EXPH5: variants seen among roughly 807,000 people sequenced by gnomAD.
EXPH5 encodes the protein exophilin 5, also known as exophilin-5.
EXPH5 carries 42 observed loss-of-function variants against 41.1 expected under a neutral mutation model. The observed-to-expected ratio is 1.02, with a 90% CI of 0.80 to 1.32. The LOEUF is 1.32. EXPH5 is among the 40% of genes most tolerant of loss of function. The pLI is 0.00. For missense variants in EXPH5, 2,298 were observed against 2,314.5 expected (o/e 0.99, Z 0.15); for synonymous variants, 798 against 833.5 (o/e 0.96, Z 0.73).
intron 5 of EXPH5, 114 bp downstream of exon 5, chr11:108,518,121 G>C (rs113839941): frequency 3.3e-6 from 3 of 920,002 alleles, no homozygotes; most frequent in Non-Finnish European, 5.0e-6. Context: ...ACATGAGGAT[G>C]TAAAAAATAA....
At chr11:108,576,407 A>C (rs187196278) in intron 1 of EXPH5, among the ~76,000 whole-genome samples, 1 of 152,310 alleles carries the variant, frequency 6.6e-6, no homozygotes, top group East Asian at 1.9e-4. Context: ...GTGGGAATGA[A>C]GAGTAACTGT....
At chr11:108,557,532 G>A (rs1485435076) in intron 1 of EXPH5, among the ~76,000 whole-genome samples, 2 of 152,138 alleles carry the variant, frequency 1.3e-5, no homozygotes, top group Non-Finnish European at 2.9e-5. Context: ...AATTTTAGTG[G>A]ATACGGGGTT....
intron 4 of EXPH5, among the ~76,000 whole-genome samples, chr11:108,519,942 C>T (rs143489188): frequency 0.012 from 1,107 of 89,976 alleles, 10 homozygotes; most frequent in Middle Eastern, 0.03. Context: ...CAGAGGGAGA[C>T]TCTGTCTCAA....
At chr11:108,577,889 AT>A (rs1430658502) in intron 1 of EXPH5, among the ~76,000 whole-genome samples, 1 of 150,554 alleles carries the variant, frequency 6.6e-6, no homozygotes, top group Admixed American at 6.6e-5. Context: ...TTAAAATTTG[AT>A]TTTTTTTTGC....
At chr11:108,573,470 A>G (rs1384519108) in intron 1 of EXPH5, among the ~76,000 whole-genome samples, 1 of 152,238 alleles carries the variant, frequency 6.6e-6, no homozygotes, top group Admixed American at 6.5e-5. Flanking sequence ...TATAACAACA[A>G]TCACACTTCT....
chr11:108,580,393 G>GA (rs1051742163), intron 1 of EXPH5, among the ~76,000 whole-genome samples: 158 of 148,584 alleles, frequency 1.1e-3, no homozygotes, highest in African/African-American at 1.9e-3. Context: ...TATCAAAAAG[G>GA]AAAAAAAAAA....
At chr11:108,548,193 AT>A (rs2093947603) in intron 1 of EXPH5, among the ~76,000 whole-genome samples, 1 of 147,812 alleles carries the variant, frequency 6.8e-6, no homozygotes, top group Admixed American at 6.8e-5. Flanking sequence ...AAACCAGCTC[AT>A]TTTTCTTATG....
chr11:108,549,870 C>T (rs555589553), intron 1 of EXPH5, among the ~76,000 whole-genome samples: 8 of 152,326 alleles, frequency 5.3e-5, no homozygotes, highest in African/African-American at 1.7e-4. Context: ...GAGGTACACT[C>T]CTTGGCAATG....
Position 108,514,070 on chromosome 11 carries a change from A to G in EXPH5, c.1437T>C (p.Pro479=). The change falls in exon 6 of 6, where the codon CCT becomes CCC. Residue 479 remains proline (P), a synonymous_variant. Transcript: ENST00000265843. ...SGEQRRFGQG[P]FWGQEKGHSF... is the part of the protein sequence containing the mutation. ...AATGTCCTTTCTCTTGGCCCCAAAA[A>G]GGACCTTGTCCAAATCTCCTCTGTT... The G allele has an allele frequency of 6.2e-7, 1 of 1,614,124 alleles. No homozygotes were observed. Among genetic ancestry groups the G allele is most frequent in the South Asian group, 1.1e-5 (1 of 91,048 alleles).
Position 108,510,999 on chromosome 11 carries a change from G to A in EXPH5, c.4508C>T (p.Ser1503Leu). The A allele has an allele frequency of 6.2e-7, 1 of 1,614,164 alleles. No homozygotes were observed. The change falls in exon 6 of 6, where the codon TCA becomes TTA. Residue 1503 changes from serine (S) to leucine (L), a missense_variant. Ser to Leu is a moderately radical substitution (Grantham distance 145, BLOSUM62 -2). Transcript: ENST00000265843. ...AGTAAGGGCAAAGACTTGACTCTCTGAGTGAGAAAGTGTTTTATTAGTCAT... is the reference window on the plus strand; with the variant it reads ...AGTAAGGGCAAAGACTTGACTCTCTAAGTGAGAAAGTGTTTTATTAGTCAT... ...QKMTNKTLSH[S>L]ESQVFALTPA...
At chr11:108,541,453 A>AT (rs1256443290) in intron 2 of EXPH5, among the ~76,000 whole-genome samples, 199 bp downstream of exon 2, 2 of 152,200 alleles carry the variant, frequency 1.3e-5, no homozygotes, top group Non-Finnish European at 2.9e-5. Context: ...AACAAAAAAA[A>AT]ATCCAAGACA....
intron 1 of EXPH5, 148 bp from the exon 2 acceptor site, chr11:108,541,960 C>T (rs1591716358): frequency 1.7e-6 from 1 of 599,322 alleles, no homozygotes; most frequent in South Asian, 2.4e-5. Context: ...TCACTGCAAC[C>T]TTCACCTCCT....
chr11:108,551,961 A>C (rs2093967438), intron 1 of EXPH5: 1 of 152,144 alleles, frequency 6.6e-6, no homozygotes, highest in Admixed American at 6.6e-5. Context: ...ATAATGGAAG[A>C]CGGATCAGGA....
At position 108,515,771 on chromosome 11, in the gene EXPH5, G is replaced by A. The variant is rs1018202854; in HGVS notation, c.632-896C>T. ...AACCACTGTACAATGCAACCTCTGT[G>A]CCATAAAAGCTCACTTTTGGGCCGG... On this transcript the variant is annotated intron_variant, in intron 5 of 5. Coordinates refer to ENST00000265843, the MANE Select transcript of EXPH5 (RefSeq NM_015065.3). Among the ~76,000 whole-genome samples the A allele has an allele frequency of 2.6e-5, 4 of 152,088 alleles. No homozygotes were observed. In the South Asian group the frequency reaches 8.3e-4, roughly 32 times the overall value.
chr11:108,536,226 T>C (rs2093878780), intron 3 of EXPH5, among the ~76,000 whole-genome samples: 1 of 152,010 alleles, frequency 6.6e-6, no homozygotes, highest in South Asian at 2.1e-4. Context: ...GAAGTGTATA[T>C]GTTTGAGAAG....
chr11:108,589,678 C>T (rs1177748691), intron 1 of EXPH5, among the ~76,000 whole-genome samples: 3 of 152,136 alleles, frequency 2.0e-5, no homozygotes, highest in African/African-American at 7.2e-5. Context: ...AGTTCCTTAA[C>T]GTTGCTAAAT....
At chr11:108,589,669 G>A (rs564176366) in intron 1 of EXPH5, among the ~76,000 whole-genome samples, 1 of 152,312 alleles carries the variant, frequency 6.6e-6, no homozygotes, top group South Asian at 2.1e-4. Flanking sequence ...CCTTAGGCAA[G>A]TTCCTTAACG....
chr11:108,513,272 G>C lies in EXPH5; in HGVS notation c.2235C>G (p.Pro745=), dbSNP rs765507596. 6.2e-7 allele frequency: 1 copy of C among 1,612,006 alleles called. No individual in the cohort carries two copies. The change falls in exon 6 of 6, where the codon CCC becomes CCG. Residue 745 remains proline, a synonymous_variant. Coordinates refer to ENST00000265843, the MANE Select transcript of EXPH5 (RefSeq NM_015065.3). ...TGCTCTTGGCTGAGTCCTGGGATAA[G>C]GGATTTTGAAAATCAGGTAAAGAGT... The part of the protein sequence containing the change: ...ISNSLPDFQN[P]LSQDSAKSNG...
chr11:108,527,344 T>G (rs1037580845), intron 4 of EXPH5, among the ~76,000 whole-genome samples: 2 of 151,992 alleles, frequency 1.3e-5, no homozygotes, highest in African/African-American at 4.8e-5. Context: ...TCTGTTTATA[T>G]GCACTCCTCC....
Sources: gnomAD v4.1 joint callset for allele counts (sites outside exome capture counted in the v4.1 genomes callset) on GRCh38, gnomAD v4.1.1 for gene constraint, MANE v1.5 for transcripts, NCBI Gene and HGNC (gene_info 2026-07-23, HGNC 2026-07-21) for gene names.